Variants in PLXDC2 observed in about 807,000 individuals in gnomAD.
The protein encoded by PLXDC2 is plexin domain-containing protein 2.
In PLXDC2, 40 loss-of-function variants were observed where a neutral mutation model predicts 68.9. That is an observed-to-expected ratio of 0.58 (90% CI 0.45 to 0.76). The LOEUF (loss-of-function observed/expected upper bound fraction) is 0.76, where lower values mean the gene tolerates loss of function less well. PLXDC2 is among the 30% of genes least tolerant of loss of function. The pLI, the probability that PLXDC2 is intolerant of heterozygous loss-of-function variation, is 0.00. For missense variants in PLXDC2, 644 were observed against 661.9 expected (o/e 0.97, Z 0.30); for synonymous variants, 243 against 234.2 (o/e 1.04, Z -0.34).
chr10:20,002,472 C>T (rs1318233341), intron 2 of PLXDC2, among the ~76,000 whole-genome samples: 1 of 152,118 alleles, frequency 6.6e-6, no homozygotes, highest in African/African-American at 2.4e-5. Flanking sequence ...GTTTGCCAGG[C>T]TGGTCTGGAC....
intron 1 of PLXDC2, among the ~76,000 whole-genome samples, chr10:19,997,284 A>G: frequency 6.6e-6 from 1 of 152,246 alleles, no homozygotes; most frequent in East Asian, 1.9e-4. Context: ...TCTGCAATGA[A>G]TTGAGATGCA....
chr10:20,082,116 T>C (rs976597075), intron 4 of PLXDC2, among the ~76,000 whole-genome samples: 1 of 105,002 alleles, frequency 9.5e-6, no homozygotes, highest in African/African-American at 3.9e-5. Context: ...AAGAGGAACA[T>C]AAGGAAACAT....
At chr10:20,037,533 G>A (rs562188607) in intron 2 of PLXDC2, among the ~76,000 whole-genome samples, 17 of 151,988 alleles carry the variant, frequency 1.1e-4, no homozygotes, top group Non-Finnish European at 2.1e-4. Flanking sequence ...ATAGTCTTTG[G>A]GGCTCATTCT....
chr10:20,161,284 G>T (rs374074779), intron 6 of PLXDC2, among the ~76,000 whole-genome samples: 1 of 151,708 alleles, frequency 6.6e-6, no homozygotes, highest in East Asian at 1.9e-4. Context: ...GGACTGGCTG[G>T]GAGCTGGCTA....
chr10:19,848,339 G>C (rs1274166212), intron 1 of PLXDC2, among the ~76,000 whole-genome samples: 2 of 152,074 alleles, frequency 1.3e-5, no homozygotes, highest in African/African-American at 4.8e-5. Context: ...CTGCAGTTTG[G>C]TGGTTTTCAC....
In PLXDC2 at chr10:20,143,332, A is replaced by G; in HGVS notation, c.579A>G (p.Leu193=). 1 of 1,613,178 alleles carries G rather than the reference A, an allele frequency of 6.2e-7. No homozygotes were observed. The highest frequency in any genetic ancestry group is 8.5e-7 in the Non-Finnish European group (1 of 1,179,326). ...IYTGEVVHRM[L]TATQYIAPLM... ...CTGGAGAAGTCGTACATCGAATGCT[A>G]ACAGCCACACAGTACATAGCACCTT... The change falls in exon 5 of 14, where the codon CTA becomes CTG. Residue 193 remains leucine (L), a synonymous_variant. Coordinates refer to ENST00000377252, the MANE Select transcript of PLXDC2 (RefSeq NM_032812.9).
intron 2 of PLXDC2, among the ~76,000 whole-genome samples, chr10:20,031,193 C>T (rs1056271552): frequency 9.9e-5 from 15 of 151,914 alleles, no homozygotes; most frequent in African/African-American, 3.6e-4. Flanking sequence ...CATAGTGAGG[C>T]CCTGTTTCTA....
At chr10:20,105,410 G>T (rs907859395) in intron 4 of PLXDC2, among the ~76,000 whole-genome samples, 2 of 152,128 alleles carry the variant, frequency 1.3e-5, no homozygotes, top group African/African-American at 2.4e-5. Flanking sequence ...TGCCAACCTC[G>T]AATGACTATT....
At chr10:20,271,740 T>G (rs1835943281) in intron 13 of PLXDC2, among the ~76,000 whole-genome samples, 1 of 152,062 alleles carries the variant, frequency 6.6e-6, no homozygotes, top group Non-Finnish European at 1.5e-5. Flanking sequence ...GAAGCCTGGG[T>G]GAACTACAGA....
At chr10:19,966,449 A>T (rs1397638159) in intron 1 of PLXDC2, among the ~76,000 whole-genome samples, 1 of 21,406 alleles carries the variant, frequency 4.7e-5, no homozygotes, top group South Asian at 1.6e-3. Context: ...TATATAAAAC[A>T]TGTGTGTATA....
intron 7 of PLXDC2, among the ~76,000 whole-genome samples, chr10:20,172,989 T>C (rs1834469078): frequency 6.6e-6 from 1 of 152,226 alleles, no homozygotes; most frequent in African/African-American, 2.4e-5. Context: ...TTTTTATTTG[T>C]AGCTACTTTA....
intron 1 of PLXDC2, among the ~76,000 whole-genome samples, chr10:19,929,333 C>A (rs12261091): frequency 6.6e-6 from 1 of 152,050 alleles, no homozygotes; most frequent in East Asian, 2.0e-4. Context: ...CATACCCAAC[C>A]CTCAGATTTC....
intron 1 of PLXDC2, among the ~76,000 whole-genome samples, chr10:19,919,161 C>G (rs140285994): frequency 1.3e-4 from 20 of 152,302 alleles, no homozygotes; most frequent in African/African-American, 4.6e-4. Context: ...TAAATAGCGT[C>G]TGATTATTCC....
chr10:19,982,315 C>T (rs1416724684), intron 1 of PLXDC2, among the ~76,000 whole-genome samples: 1 of 152,168 alleles, frequency 6.6e-6, no homozygotes, highest in Non-Finnish European at 1.5e-5. Flanking sequence ...GTGGTAGATA[C>T]ATTCAGAACC....
At chr10:20,123,804 G>T (rs1412711350) in intron 4 of PLXDC2, among the ~76,000 whole-genome samples, 1 of 151,980 alleles carries the variant, frequency 6.6e-6, no homozygotes, top group Non-Finnish European at 1.5e-5. Context: ...AAGAGGTTGG[G>T]CGAGGAAATA....
intron 1 of PLXDC2, among the ~76,000 whole-genome samples, chr10:19,981,302 T>C (rs1309528885): frequency 6.6e-6 from 1 of 152,228 alleles, no homozygotes; most frequent in Non-Finnish European, 1.5e-5. Flanking sequence ...AATCTCTGTT[T>C]CACATCCTAG....
At chr10:20,198,885 A>G (rs1414817868) in intron 9 of PLXDC2, among the ~76,000 whole-genome samples, 1 of 152,108 alleles carries the variant, frequency 6.6e-6, no homozygotes, top group East Asian at 1.9e-4. Flanking sequence ...TTGCTTCTTC[A>G]TACTGATAAA....
intron 4 of PLXDC2, among the ~76,000 whole-genome samples, chr10:20,086,220 G>A (rs570709809): frequency 6.6e-6 from 1 of 152,128 alleles, no homozygotes; most frequent in South Asian, 2.1e-4. Context: ...AGTGCAGTGG[G>A]GTGGTCACAG....
intron 1 of PLXDC2, among the ~76,000 whole-genome samples, chr10:19,953,579 A>G (rs1017299316): frequency 6.6e-6 from 1 of 152,218 alleles, no homozygotes; most frequent in Non-Finnish European, 1.5e-5. Context: ...TCAAATTTCC[A>G]GTAGGTCTAG....
Sources: gnomAD v4.1 joint callset for allele counts (sites outside exome capture counted in the v4.1 genomes callset) on GRCh38, gnomAD v4.1.1 for gene constraint, MANE v1.5 for transcripts, NCBI Gene and HGNC (gene_info 2026-07-23, HGNC 2026-07-21) for gene names.